BMERB1: variants seen among roughly 807,000 people sequenced by gnomAD.
BMERB1 encodes the protein bMERB domain containing 1.
BMERB1 carries 12 observed loss-of-function variants against 23.6 expected under a neutral mutation model. The observed-to-expected ratio is 0.51, with a 90% confidence interval of 0.33 to 0.82. The LOEUF is 0.82. Ranked by LOEUF, BMERB1 falls within the 40% of genes least tolerant of loss-of-function variation. BMERB1 has a pLI of 0.03. For synonymous variants in BMERB1, 122 were observed against 96.6 expected (o/e 1.26, Z -1.54); for missense variants, 247 against 255.4 (o/e 0.97, Z 0.22).
rs565461357 is a variant in BMERB1, at chr16:15,450,170, T to C, written c.106+15411T>C. Among the ~76,000 whole-genome samples, 368 of 152,296 alleles carry C rather than the reference T, an allele frequency of 2.4e-3. 5 individuals carry two copies. The highest frequency in any genetic ancestry group is 8.5e-3 in the African/African-American group (355 of 41,558). On this transcript the variant is annotated intron_variant, in intron 1 of 5. Transcript: ENST00000300006. Reference sequence around the variant, plus strand: ...CCAAAGCTGTAGCCTAAAGCTGCCATAGACAGGCACCTAAGTGAATGGATG... The same window carrying C: ...CCAAAGCTGTAGCCTAAAGCTGCCACAGACAGGCACCTAAGTGAATGGATG...
At chr16:15,456,785 CTT>C (rs1397547448) in intron 1 of BMERB1, among the ~76,000 whole-genome samples, 1 of 152,036 alleles carries the variant, frequency 6.6e-6, no homozygotes, top group Non-Finnish European at 1.5e-5. Flanking sequence ...CAATAAATAT[CTT>C]TTGTCATTTT....
intron 5 of BMERB1, among the ~76,000 whole-genome samples, chr16:15,584,684 C>T (rs1297284742): frequency 1.3e-5 from 2 of 152,132 alleles, no homozygotes. Flanking sequence ...ACTATTACCT[C>T]CCCTCCTTTT....
chr16:15,531,461 C>G (rs564463097), intron 2 of BMERB1, among the ~76,000 whole-genome samples: 2 of 152,214 alleles, frequency 1.3e-5, no homozygotes, highest in East Asian at 3.9e-4. Flanking sequence ...TCTTCAGGGA[C>G]CATTCTTCAG....
chr16:15,513,622 G>A (rs781763177), intron 1 of BMERB1, among the ~76,000 whole-genome samples: 42 of 151,932 alleles, frequency 2.8e-4, no homozygotes, highest in Non-Finnish European at 2.5e-4. Context: ...CTGCCCAGGC[G>A]CGGTGGCTCA....
chr16:15,546,140 T>G (rs1021892711), intron 2 of BMERB1, among the ~76,000 whole-genome samples: 1 of 151,930 alleles, frequency 6.6e-6, no homozygotes, highest in Non-Finnish European at 1.5e-5. Flanking sequence ...ATATAAAAAT[T>G]AGCCAAGCAT....
At chr16:15,571,919 C>T (rs971955959) in intron 3 of BMERB1, among the ~76,000 whole-genome samples, 44 of 152,080 alleles carry the variant, frequency 2.9e-4, no homozygotes, top group Non-Finnish European at 1.5e-4. Flanking sequence ...CCCTTCCTGC[C>T]CTCTCTTTCC....
intron 1 of BMERB1, among the ~76,000 whole-genome samples, chr16:15,451,921 A>C (rs1598445379): frequency 6.6e-6 from 1 of 151,660 alleles, no homozygotes; most frequent in Middle Eastern, 3.4e-3. Flanking sequence ...AACTTATTTA[A>C]ATAAGTTTGC....
chr16:15,529,921 G>T (rs2051950661), intron 2 of BMERB1, among the ~76,000 whole-genome samples: 1 of 152,164 alleles, frequency 6.6e-6, no homozygotes, highest in African/African-American at 2.4e-5. Context: ...TTATCTTACA[G>T]TTCTGGAGGC....
At chr16:15,548,008 G>A (rs2150965103) in intron 2 of BMERB1, among the ~76,000 whole-genome samples, 1 of 152,214 alleles carries the variant, frequency 6.6e-6, no homozygotes, top group East Asian at 1.9e-4. Context: ...AAGGTGCATG[G>A]TAAATTCTGT....
intron 5 of BMERB1, among the ~76,000 whole-genome samples, chr16:15,584,746 A>G (rs1168617193): frequency 2.0e-5 from 3 of 151,936 alleles, no homozygotes; most frequent in African/African-American, 7.3e-5. Flanking sequence ...ATTTTTTCCT[A>G]CAACACAGGC....
intron 1 of BMERB1, among the ~76,000 whole-genome samples, chr16:15,454,356 G>A (rs188065374): frequency 6.6e-6 from 1 of 152,332 alleles, no homozygotes; most frequent in East Asian, 1.9e-4. Context: ...GGAAACCGAG[G>A]CAGTGTTGCT....
chr16:15,436,200 T>A (rs1437952853), intron 1 of BMERB1, among the ~76,000 whole-genome samples: 1 of 151,974 alleles, frequency 6.6e-6, no homozygotes, highest in Non-Finnish European at 1.5e-5. Flanking sequence ...ACAATCCAAT[T>A]ACACTCCTTT....
chr16:15,470,444 T>C lies in BMERB1; in HGVS notation c.106+35685T>C, dbSNP rs548313059. On this transcript the variant is annotated intron_variant, in intron 1 of 5. Transcript: ENST00000300006. ...AATATATTGGTCTGTAGTTTTCCTT[T>C]GTTGTACTGTCTCTCTCTGGTTGTG... Among the ~76,000 whole-genome samples the C allele has an allele frequency of 3.9e-5, 6 of 152,186 alleles. No individual in the cohort carries two copies. The South Asian group carries it at 1.2e-3, about 32-fold the overall frequency.
At chr16:15,520,021 T>G (rs2051830310) in intron 2 of BMERB1, among the ~76,000 whole-genome samples, 1 of 152,102 alleles carries the variant, frequency 6.6e-6, no homozygotes, top group South Asian at 2.1e-4. Context: ...GGCACTGATA[T>G]GCCACCCTGA....
At position 15,513,628 on chromosome 16, in the gene BMERB1, G is replaced by A. The variant is rs904895441; in HGVS notation, c.107-1677G>A. Among the ~76,000 whole-genome samples, 27 of 152,092 alleles carry A rather than the reference G, an allele frequency of 1.8e-4. 1 individual carries two copies. The highest frequency in any genetic ancestry group is 7.2e-4 in the Admixed American group (11 of 15,274). On this transcript the variant is annotated intron_variant, in intron 1 of 5. Coordinates refer to ENST00000300006, the MANE Select transcript of BMERB1 (RefSeq NM_033201.3). ...AAAGTGTGTCTGCCCAGGCGCGGTG[G>A]CTCATGCCTATAATCCTAGCACTTT...
At chr16:15,502,779 C>G (rs2051544247) in intron 1 of BMERB1, among the ~76,000 whole-genome samples, 1 of 152,058 alleles carries the variant, frequency 6.6e-6, no homozygotes, top group African/African-American at 2.4e-5. Context: ...GGGGCCCCCT[C>G]TAGATTCTCT....
At chr16:15,551,521 A>G (rs902571405) in intron 2 of BMERB1, among the ~76,000 whole-genome samples, 8 of 152,122 alleles carry the variant, frequency 5.3e-5, no homozygotes. Flanking sequence ...AGGAGAAGGG[A>G]TTAGTGAAGC....
chr16:15,435,610 G>T (rs1012269847), intron 1 of BMERB1, among the ~76,000 whole-genome samples: 2 of 152,180 alleles, frequency 1.3e-5, no homozygotes, highest in Non-Finnish European at 2.9e-5. Flanking sequence ...GGCTGGGAAG[G>T]AGAGGTCCTT....
chr16:15,470,017 T>C (rs1362134638), intron 1 of BMERB1, among the ~76,000 whole-genome samples: 1 of 152,174 alleles, frequency 6.6e-6, no homozygotes, highest in African/African-American at 2.4e-5. Flanking sequence ...TTCAGTACTA[T>C]ATTGAATGAC....
Sources: gnomAD v4.1 joint callset for allele counts (sites outside exome capture counted in the v4.1 genomes callset) on GRCh38, gnomAD v4.1.1 for gene constraint, MANE v1.5 for transcripts, NCBI Gene and HGNC (gene_info 2026-07-23, HGNC 2026-07-21) for gene names.